The following ADCY5 variants were observed in gnomAD, a reference collection of about 807,000 sequenced individuals.
ADCY5 encodes adenylate cyclase type 5.
Under a neutral mutation model 119.7 loss-of-function variants are expected in ADCY5, and 30 were observed. The ratio of observed to expected loss-of-function variants is 0.25; its 90% confidence interval spans 0.19 to 0.34. The LOEUF (loss-of-function observed/expected upper bound fraction) is 0.34, where lower values mean the gene tolerates loss of function less well. Ranked by LOEUF, ADCY5 falls within the 10% of genes least tolerant of loss-of-function variation. The probability of loss-of-function intolerance (pLI) is 1.00; values close to 1 mark genes in which losing one functional copy is unlikely to be tolerated. For synonymous variants in ADCY5, 753 were observed against 762.2 expected, an observed-to-expected ratio of 0.99 and a Z score of 0.20; for missense variants, 1,324 against 1,775.2, an observed-to-expected ratio of 0.75 and a Z score of 4.57.
Position 123,286,659 on chromosome 3 carries a change from G to A in ADCY5, c.3657+26C>T, listed in dbSNP as rs1938786877. On this transcript the variant is annotated intron_variant, in intron 20 of 20. Coordinates refer to ENST00000462833, the MANE Select transcript of ADCY5 (RefSeq NM_183357.3). This position sits in a 1 kb window ranked among gnomAD's most constrained non-coding sequence, Gnocchi z 4.2. ...AGACACAGGACCTCCCATGGGGTGA[G>A]GGGTGGTGGATGCTCCTGCACTCAC... The A allele has an allele frequency of 1.3e-6, 2 of 1,586,854 alleles. No individual in the cohort carries two copies. The highest frequency in any genetic ancestry group is 1.7e-6 in the Non-Finnish European group (2 of 1,168,424).
chr3:123,438,489 C>T (rs1338619486), intron 1 of ADCY5, among the ~76,000 whole-genome samples: 2 of 152,110 alleles, frequency 1.3e-5, no homozygotes, highest in African/African-American at 4.8e-5. Context: ...AAACCGTGCA[C>T]CATTCTGAGT....
intron 5 of ADCY5, 70 bp downstream of exon 5, chr3:123,330,819 A>G: frequency 6.7e-7 from 1 of 1,497,078 alleles, no homozygotes; most frequent in Non-Finnish European, 8.9e-7. Flanking sequence ...GGCAGCCGGC[A>G]GGTCAGTCAG....
intron 8 of ADCY5, among the ~76,000 whole-genome samples, chr3:123,322,476 C>T (rs755841907): frequency 2.6e-5 from 4 of 152,116 alleles, no homozygotes; most frequent in African/African-American, 2.4e-5. Context: ...AGCGCCAGGT[C>T]GGCATGGCGA....
At chr3:123,347,228 A>G (rs1448422618) in intron 3 of ADCY5, among the ~76,000 whole-genome samples, 2 of 152,044 alleles carry the variant, frequency 1.3e-5, no homozygotes, top group East Asian at 3.9e-4. Context: ...TAAACTTTTT[A>G]TTACAGAAAA....
intron 1 of ADCY5, among the ~76,000 whole-genome samples, chr3:123,442,518 C>T (rs773249508): frequency 3.9e-5 from 6 of 152,260 alleles, no homozygotes; most frequent in Non-Finnish European, 5.9e-5. Context: ...GATTTTGAAA[C>T]TCTCTGTGAG....
intron 1 of ADCY5, among the ~76,000 whole-genome samples, chr3:123,432,478 A>G (rs1027407576): frequency 2.0e-5 from 3 of 152,138 alleles, no homozygotes; most frequent in African/African-American, 7.2e-5. Context: ...ACAGTGGCGG[A>G]TCCTAGAAAG....
intron 1 of ADCY5, among the ~76,000 whole-genome samples, chr3:123,369,047 T>G (rs1259505301): frequency 6.6e-6 from 1 of 152,188 alleles, no homozygotes; most frequent in East Asian, 1.9e-4. Context: ...AAATTTAATG[T>G]GTTGGGAACT....
At chr3:123,372,443 T>C (rs1045323943) in intron 1 of ADCY5, among the ~76,000 whole-genome samples, 1 of 152,236 alleles carries the variant, frequency 6.6e-6, no homozygotes, top group Non-Finnish European at 1.5e-5. Context: ...GGCAAGGAGA[T>C]AGGAGAGTGT....
chr3:123,316,508 C>A (rs548976373), intron 11 of ADCY5, among the ~76,000 whole-genome samples: 1 of 152,188 alleles, frequency 6.6e-6, no homozygotes, highest in African/African-American at 2.4e-5. Flanking sequence ...TGTCAACATT[C>A]GGGGAAACTG....
intron 1 of ADCY5, among the ~76,000 whole-genome samples, chr3:123,396,463 CAA>C (rs1944569575): frequency 1.4e-5 from 1 of 71,932 alleles, no homozygotes; most frequent in Non-Finnish European, 2.7e-5. Flanking sequence ...GGGAAGGAGA[CAA>C]AGAAAGAAAG....
At position 123,300,307 on chromosome 3, in the gene ADCY5, G is replaced by C. The variant is rs529769790; in HGVS notation, c.2725-12C>G. On this transcript the variant is annotated splice_polypyrimidine_tract_variant and intron_variant, in intron 14 of 20. Transcript: ENST00000462833. ...CTGTAGGTGAAGTACTGCGGGCAGAGGGCAGCAGCATCAGCTCCCCAGGCC... is the reference window on the plus strand; with the variant it reads ...CTGTAGGTGAAGTACTGCGGGCAGACGGCAGCAGCATCAGCTCCCCAGGCC... 2.8e-4 allele frequency: 458 copies of C among 1,612,374 alleles called. 7 individuals are homozygous for C. In the South Asian group the frequency reaches 4.8e-3, roughly 17 times the overall value.
chr3:123,317,666 C>T (rs1940987816), intron 11 of ADCY5, among the ~76,000 whole-genome samples: 1 of 150,138 alleles, frequency 6.7e-6, no homozygotes, highest in Non-Finnish European at 1.5e-5. Flanking sequence ...ACTTGGGAGG[C>T]AGAAGTTGCA....
At position 123,296,068 on chromosome 3, in the gene ADCY5, C is replaced by G. The variant is rs749298665; in HGVS notation, c.3063+16G>C. ...CAAATGCCTCCCTCCCCAGGTCCAGCCCCAGGGCCACCCACCTGCAGTTTC... is the reference window on the plus strand; with the variant it reads ...CAAATGCCTCCCTCCCCAGGTCCAGGCCCAGGGCCACCCACCTGCAGTTTC... On this transcript the variant is annotated intron_variant, in intron 17 of 20. Transcript: ENST00000462833. 3 of 1,613,030 alleles carry G rather than the reference C, an allele frequency of 1.9e-6. No homozygotes were observed. In the African/African-American group the frequency reaches 4.0e-5, roughly 22 times the overall value.
intron 1 of ADCY5, among the ~76,000 whole-genome samples, chr3:123,358,195 T>TGTGTGTGTGTG (rs58986112): frequency 2.7e-5 from 4 of 149,080 alleles, no homozygotes; most frequent in African/African-American, 5.0e-5. Context: ...TGTGTGTGTG[T>TGTGTGTGTGTG]AGGGAGTTGG....
chr3:123,357,242 T>A (rs1039548060), intron 1 of ADCY5, among the ~76,000 whole-genome samples: 118 of 144,518 alleles, frequency 8.2e-4, no homozygotes, highest in Non-Finnish European at 1.3e-3. Context: ...TACCTTAATT[T>A]AAAAAAAAAA....
chr3:123,390,047 TC>T (rs1182939723), intron 1 of ADCY5, among the ~76,000 whole-genome samples: 1 of 152,110 alleles, frequency 6.6e-6, no homozygotes, highest in Non-Finnish European at 1.5e-5. Context: ...GAGCAGGTGT[TC>T]CCGGTGATGG....
chr3:123,429,854 C>T (rs1004274681), intron 1 of ADCY5, among the ~76,000 whole-genome samples: 2 of 152,172 alleles, frequency 1.3e-5, no homozygotes, highest in African/African-American at 2.4e-5. Context: ...TGCCCCACCC[C>T]ATACCCACGT....
At chr3:123,390,171 C>T (rs544826113) in intron 1 of ADCY5, among the ~76,000 whole-genome samples, 25 of 152,326 alleles carry the variant, frequency 1.6e-4, no homozygotes, top group Middle Eastern at 3.4e-3. Flanking sequence ...CCGTCCCCTA[C>T]GACCCTTCCC....
chr3:123,394,348 T>A (rs1004381893), intron 1 of ADCY5, among the ~76,000 whole-genome samples: 3 of 152,214 alleles, frequency 2.0e-5, no homozygotes, highest in South Asian at 2.1e-4. Flanking sequence ...GAATTTTTTT[T>A]AAAATGCATA....
Sources: gnomAD v4.1 joint callset for allele counts (sites outside exome capture counted in the v4.1 genomes callset) on GRCh38, gnomAD v4.1.1 for gene constraint, Gnocchi (gnomAD v3.1) non-coding constraint, MANE v1.5 for transcripts, NCBI Gene and HGNC (gene_info 2026-07-23, HGNC 2026-07-21) for gene names.